Variants in EP400 observed in about 807,000 individuals in gnomAD.
EP400 encodes the protein E1A-binding protein p400.
A neutral mutation model predicts 354.1 loss-of-function variants in EP400; 105 were observed. That is an observed-to-expected ratio of 0.30 (90% CI 0.25 to 0.35). The LOEUF (loss-of-function observed/expected upper bound fraction) is 0.35, where lower values mean the gene tolerates loss of function less well. Among genes scored for constraint, EP400 ranks in the 10% least tolerant of loss-of-function variants. The probability of loss-of-function intolerance (pLI) is 1.00; values close to 1 mark genes in which losing one functional copy is unlikely to be tolerated. For missense variants in EP400, 3,280 were observed against 4,121.0 expected (o/e 0.80, Z 5.59); for synonymous variants, 1,646 against 1,716.9 (o/e 0.96, Z 1.02).
At position 132,005,062 on chromosome 12, in the gene EP400, C is replaced by T. The variant is rs371624282; in HGVS notation, c.2828-15C>T. ...GTTATAAAGTAACAGCCCTTCTGCC[C>T]GCAACCCTCTGCAGCTGAGCTGCCC... is the stretch of plus-strand genomic sequence containing the variant. On this transcript the variant is annotated splice_polypyrimidine_tract_variant and intron_variant, in intron 12 of 52. Transcript: ENST00000389561. 171 of 1,559,560 alleles carry T rather than the reference C, an allele frequency of 1.1e-4. No homozygotes were observed. The highest frequency in any genetic ancestry group is 1.4e-4 in the Non-Finnish European group (166 of 1,149,430).
intron 1 of EP400, among the ~76,000 whole-genome samples, chr12:131,956,994 C>T (rs1031859063): frequency 1.3e-5 from 2 of 151,332 alleles, no homozygotes; most frequent in African/African-American, 2.4e-5. Flanking sequence ...GCCTCAGCCT[C>T]CCAAGTAGCT....
intron 2 of EP400, among the ~76,000 whole-genome samples, chr12:131,972,069 A>G (rs931539070): frequency 6.6e-6 from 1 of 152,174 alleles, no homozygotes; most frequent in African/African-American, 2.4e-5. Context: ...GATGTCTAAG[A>G]AAATAGAAAA....
chr12:132,034,360 C>T (rs1350147239), intron 30 of EP400, among the ~76,000 whole-genome samples: 2 of 152,152 alleles, frequency 1.3e-5, no homozygotes, highest in African/African-American at 2.4e-5. Flanking sequence ...ACTTTGTTCT[C>T]GAGTGGGTAG....
chr12:132,019,828 T>C (rs1455689149), intron 21 of EP400, among the ~76,000 whole-genome samples: 1 of 152,210 alleles, frequency 6.6e-6, no homozygotes, highest in Non-Finnish European at 1.5e-5. Context: ...CATACCACTT[T>C]GGTGTACTTA....
In EP400 at chr12:131,987,815, T is replaced by C; in HGVS notation, c.2334T>C (p.Tyr778=). The C allele has an allele frequency of 6.2e-7, 1 of 1,613,658 alleles. No homozygotes were observed. The highest frequency in any genetic ancestry group is 8.5e-7 in the Non-Finnish European group (1 of 1,179,922). ...EAPRPKSHWD[Y]LLEEMQWMAT... The stretch of plus-strand genomic sequence containing the variant: ...CACGCCCCAAGTCCCACTGGGACTA[T>C]CTGCTGGAGGAGATGCAGTGGATGG... Residue 778 remains tyrosine (Y), a synonymous_variant, in exon 7 of 53, where the codon TAT becomes TAC. Transcript: ENST00000389561.
At chr12:131,966,562 CAAAAAAAAAAAAA>C (rs534384776) in intron 2 of EP400, among the ~76,000 whole-genome samples, 1 of 57,496 alleles carries the variant, frequency 1.7e-5, no homozygotes, top group East Asian at 6.6e-4. Flanking sequence ...TACCCTACCT[CAAAAAAAAAAAAA>C]AAAAAAAAAA....
intron 13 of EP400, 108 bp from the exon 14 acceptor site, chr12:132,006,004 G>A: frequency 2.9e-6 from 3 of 1,021,462 alleles, no homozygotes. Flanking sequence ...GCCTAATTCA[G>A]TATTTAAAGT....
In EP400 at chr12:132,052,515, A is replaced by C. The variant is rs1895330736; in HGVS notation, c.7395-631A>C. Among the ~76,000 whole-genome samples, 1 of 152,190 alleles carries C rather than the reference A, an allele frequency of 6.6e-6. No individual in the cohort carries two copies. Among genetic ancestry groups the C allele is most frequent in the Non-Finnish European group, 1.5e-5 (1 of 68,040 alleles). ...TTCAGAGCGCACTGTTGAGAATTGC[A>C]GCCCCGCCCTGCTGTTTTCCTCCAT... On this transcript the variant is annotated intron_variant, in intron 41 of 52. Coordinates refer to ENST00000389561, the MANE Select transcript of EP400 (RefSeq NM_015409.5). The surrounding 1 kb of genome is among the most constrained non-coding windows in gnomAD (Gnocchi z 4.4).
At chr12:132,077,252 A>G (rs1442019507) in intron 52 of EP400, 149 bp from the exon 53 acceptor site, 17 of 1,003,728 alleles carry the variant, frequency 1.7e-5, no homozygotes, top group Admixed American at 5.6e-5. Context: ...ACCAGAGGTC[A>G]TACTGTTGTG....
intron 2 of EP400, among the ~76,000 whole-genome samples, chr12:131,967,480 G>T (rs1259425620): frequency 6.6e-6 from 1 of 151,970 alleles, no homozygotes; most frequent in East Asian, 1.9e-4. Context: ...TTGAGGCCAG[G>T]AGTTCGAGAC....
intron 12 of EP400, among the ~76,000 whole-genome samples, chr12:131,998,853 C>T (rs1893306574): frequency 1.1e-5 from 1 of 89,570 alleles, no homozygotes; most frequent in Non-Finnish European, 2.4e-5. Context: ...TATACAAAGA[C>T]TTTGTATACA....
intron 52 of EP400, 103 bp from the exon 53 acceptor site, chr12:132,077,298 C>T (rs1896266235): frequency 5.7e-6 from 8 of 1,397,816 alleles, no homozygotes; most frequent in Non-Finnish European, 7.8e-6. Flanking sequence ...AAAGCATAGT[C>T]AGTGAAGTTT....
chr12:132,077,687 G>A lies in EP400; in HGVS notation c.*14G>A. 2 of 1,575,700 alleles carry A rather than the reference G, an allele frequency of 1.3e-6. No individual in the cohort carries two copies. Among genetic ancestry groups the A allele is most frequent in the East Asian group, 2.2e-5 (1 of 44,482 alleles). ...CCGTGCCAGTAGTCAGGGCAGCAGGGCTGCCTCTCATCTAAAGCAAAACTA... is the reference window on the plus strand; with the variant it reads ...CCGTGCCAGTAGTCAGGGCAGCAGGACTGCCTCTCATCTAAAGCAAAACTA... On this transcript the variant is annotated 3_prime_UTR_variant, in exon 53 of 53. Transcript: ENST00000389561.
intron 7 of EP400, 22 bp from the exon 8 acceptor site, chr12:131,989,942 T>C: frequency 6.2e-7 from 1 of 1,612,650 alleles, no homozygotes; most frequent in Non-Finnish European, 8.5e-7. Flanking sequence ...CAACATACAA[T>C]TCTTGCACTT....
At chr12:132,040,942 T>A (rs1894881691) in intron 32 of EP400, among the ~76,000 whole-genome samples, 1 of 151,746 alleles carries the variant, frequency 6.6e-6, no homozygotes, top group Non-Finnish European at 1.5e-5. Flanking sequence ...CAGTTAAGAG[T>A]CCCAGAGCAG....
chr12:131,991,576 CTTTTTTTT>C (rs878864752), intron 10 of EP400, 120 bp downstream of exon 10: 1 of 592,712 alleles, frequency 1.7e-6, no homozygotes. Context: ...CCTTTCTTTT[CTTTTTTTT>C]TTTTTTTTGT....
intron 12 of EP400, among the ~76,000 whole-genome samples, chr12:132,002,848 C>T (rs1322255541): frequency 6.6e-6 from 1 of 152,170 alleles, no homozygotes; most frequent in Non-Finnish European, 1.5e-5. Context: ...CGAGCTGAAT[C>T]CATGAGCAGA....
At position 132,076,601 on chromosome 12, in the gene EP400, G is replaced by A. The variant is rs767251149; in HGVS notation, c.9099+8G>A. 5.9e-5 allele frequency: 95 copies of A among 1,603,450 alleles called. No homozygotes were observed. The highest frequency in any genetic ancestry group is 6.7e-5 in the Non-Finnish European group (79 of 1,172,590). On this transcript the variant is annotated splice_region_variant and intron_variant, in intron 52 of 52. Coordinates refer to ENST00000389561, the MANE Select transcript of EP400 (RefSeq NM_015409.5). ...GCCTCTGCTTCCCAGCAGGTAGGAC[G>A]CATAGACAAAGTGGAAACCTCACAT...
At position 131,961,746 on chromosome 12, in the gene EP400, T is replaced by C. The variant is rs960474910; in HGVS notation, c.1127T>C (p.Met376Thr). 3 of 1,614,274 alleles carry C rather than the reference T, an allele frequency of 1.9e-6. No homozygotes were observed. The highest frequency in any genetic ancestry group is 1.7e-6 in the Non-Finnish European group (2 of 1,180,050). Residue 376 changes from methionine to threonine, a missense_variant, in exon 2 of 53, where the codon ATG (methionine) becomes ACG (threonine). Coordinates refer to ENST00000389561, the MANE Select transcript of EP400 (RefSeq NM_015409.5). ...KQCLDYHYQE[M>T]QALKEVFKEY... ...TGCCTGGACTATCATTACCAGGAGA[T>C]GCAGGCTCTGAAGGAGGTCTTCAAG...
Sources: allele counts gnomAD v4.1 joint callset (sites outside exome capture counted in the v4.1 genomes callset), GRCh38; gene constraint gnomAD v4.1.1; non-coding constraint Gnocchi (gnomAD v3.1); transcripts MANE v1.5; gene names NCBI Gene and HGNC (gene_info 2026-07-23, HGNC 2026-07-21).